The following RANBP2 variants were observed in gnomAD, a reference collection of about 807,000 sequenced individuals.
RANBP2 encodes RAN binding protein 2.
A neutral mutation model predicts 303.6 loss-of-function variants in RANBP2; 57 were observed. That is an observed-to-expected ratio of 0.19 (90% confidence interval 0.15 to 0.23). The LOEUF (loss-of-function observed/expected upper bound fraction) is 0.23, where lower values mean the gene tolerates loss of function less well. Ranked by LOEUF, RANBP2 falls within the 10% of genes least tolerant of loss-of-function variation. RANBP2 has a pLI of 1.00. For synonymous variants in RANBP2, 1,167 were observed against 1,301.5 expected, an observed-to-expected ratio of 0.90 and a Z score of 2.23; for missense variants, 3,138 against 3,780.8, an observed-to-expected ratio of 0.83 and a Z score of 4.46.
chr2:109,585,823 G>C, the RANBP2 span: 4 of 1,607,790 alleles, frequency 2.5e-6, no homozygotes, highest in South Asian at 3.3e-5. Context: ...GTCAACGAAC[G>C]AATGTTTTCT....
the RANBP2 span, among the ~76,000 whole-genome samples, chr2:109,735,703 C>T: frequency 6.6e-6 from 1 of 152,096 alleles, no homozygotes; most frequent in Non-Finnish European, 1.5e-5. Context: ...AAATTACTTA[C>T]TACATGAGAA....
At chr2:108,768,433 T>C in intron 20 of RANBP2, 45 bp downstream of exon 20, 1 of 1,607,254 alleles carries the variant, frequency 6.2e-7, no homozygotes, top group Non-Finnish European at 8.5e-7. Flanking sequence ...TTCTTTCTTT[T>C]AATGTTTAGC....
chr2:109,620,710 T>TAGAA, the RANBP2 span, among the ~76,000 whole-genome samples: 2 of 151,422 alleles, frequency 1.3e-5, no homozygotes, highest in African/African-American at 4.9e-5. Flanking sequence ...AAAAAAAAAA[T>TAGAA]AGAAAGAAAG....
the RANBP2 span, among the ~76,000 whole-genome samples, chr2:109,610,894 A>T: frequency 6.6e-6 from 1 of 152,246 alleles, no homozygotes; most frequent in South Asian, 2.1e-4. Flanking sequence ...AGAGAGGCAC[A>T]GAACTAGAAT....
At chr2:109,477,582 C>T in the RANBP2 span, among the ~76,000 whole-genome samples, 1 of 151,804 alleles carries the variant, frequency 6.6e-6, no homozygotes, top group Non-Finnish European at 1.5e-5. Flanking sequence ...GTTGTAGTCC[C>T]TTGAGTTGCT....
intron 1 of RANBP2, among the ~76,000 whole-genome samples, chr2:108,722,319 A>G (rs1419992043): frequency 2.0e-5 from 3 of 152,268 alleles, no homozygotes; most frequent in Non-Finnish European, 4.4e-5. Context: ...CGGAATATGG[A>G]TTAACTAGTG....
the RANBP2 span, among the ~76,000 whole-genome samples, chr2:109,481,823 C>T: frequency 6.6e-6 from 1 of 152,154 alleles, no homozygotes; most frequent in South Asian, 2.1e-4. Context: ...TTGAGGAAGC[C>T]CAGAGGGGCA....
At chr2:109,281,911 T>C in the RANBP2 span, among the ~76,000 whole-genome samples, 1 of 151,978 alleles carries the variant, frequency 6.6e-6, no homozygotes, top group Admixed American at 6.5e-5. Context: ...GAGATGGCCA[T>C]GTGGCAGGAG....
chr2:109,319,685 T>C, the RANBP2 span, among the ~76,000 whole-genome samples: 2 of 152,216 alleles, frequency 1.3e-5, no homozygotes, highest in Non-Finnish European at 2.9e-5. Flanking sequence ...AAGTGTGCGA[T>C]CTTGAAGAGT....
At chr2:109,221,190 A>T in the RANBP2 span, among the ~76,000 whole-genome samples, 1 of 152,244 alleles carries the variant, frequency 6.6e-6, no homozygotes, top group Non-Finnish European at 1.5e-5. Context: ...TGGAATAAAA[A>T]GTCAGTCTTC....
the RANBP2 span, among the ~76,000 whole-genome samples, chr2:109,514,436 C>G: frequency 6.6e-6 from 1 of 152,176 alleles, no homozygotes; most frequent in African/African-American, 2.4e-5. Context: ...CTGTGCACAG[C>G]TCAGACCTCC....
chr2:109,187,562 T>C, the RANBP2 span, among the ~76,000 whole-genome samples: 1 of 151,876 alleles, frequency 6.6e-6, no homozygotes, highest in South Asian at 2.1e-4. Context: ...CTAAGGTGTC[T>C]AGTACAGTCC....
chr2:109,308,218 C>G, the RANBP2 span, among the ~76,000 whole-genome samples: 7 of 130,306 alleles, frequency 5.4e-5, no homozygotes, highest in Admixed American at 1.5e-4. Flanking sequence ...GCATAAATGT[C>G]TTCTTTTGAG....
chr2:109,339,935 A>G, the RANBP2 span, among the ~76,000 whole-genome samples: 1 of 152,142 alleles, frequency 6.6e-6, no homozygotes, highest in African/African-American at 2.4e-5. Context: ...TGGGGGAGTG[A>G]GGAGGAGGCA....
At chr2:108,910,906 A>G in the RANBP2 span, 1 of 1,613,898 alleles carries the variant, frequency 6.2e-7, no homozygotes, top group Non-Finnish European at 8.5e-7. Flanking sequence ...GAGTTGACGG[A>G]GAGTCCAGGA....
At chr2:109,413,161 C>T in the RANBP2 span, among the ~76,000 whole-genome samples, 1 of 152,234 alleles carries the variant, frequency 6.6e-6, no homozygotes, top group Non-Finnish European at 1.5e-5. Context: ...GTCGCCCAGG[C>T]TGGAGTGCAG....
the RANBP2 span, among the ~76,000 whole-genome samples, chr2:108,818,255 C>T: frequency 1.3e-5 from 2 of 152,016 alleles, no homozygotes; most frequent in African/African-American, 2.4e-5. Flanking sequence ...TGCAGTGAGC[C>T]GTGATTGTAC....
At chr2:109,272,626 T>C in the RANBP2 span, among the ~76,000 whole-genome samples, 3 of 152,220 alleles carry the variant, frequency 2.0e-5, no homozygotes, top group East Asian at 5.8e-4. Flanking sequence ...GAGCACATGC[T>C]TCCGCACAGA....
the RANBP2 span, among the ~76,000 whole-genome samples, chr2:108,947,371 C>A: frequency 6.6e-6 from 1 of 152,134 alleles, no homozygotes; most frequent in Non-Finnish European, 1.5e-5. Context: ...ATCTACCATT[C>A]TCGGGTCTGG....
Sources: gnomAD v4.1 joint callset for allele counts (sites outside exome capture counted in the v4.1 genomes callset) on GRCh38, gnomAD v4.1.1 for gene constraint, MANE v1.5 for transcripts, NCBI Gene and HGNC (gene_info 2026-07-23, HGNC 2026-07-21) for gene names.